The following COG5 variants were observed in gnomAD, a reference collection of about 807,000 sequenced individuals.
COG5 encodes component of oligomeric golgi complex 5, also known as conserved oligomeric Golgi complex subunit 5.
A neutral mutation model predicts 110.4 loss-of-function variants in COG5; 86 were observed. The observed-to-expected ratio is 0.78, with a 90% confidence interval of 0.65 to 0.93. The LOEUF (loss-of-function observed/expected upper bound fraction) is 0.93. Among genes scored for constraint, COG5 ranks in the 40% least tolerant of loss-of-function variants. COG5 has a pLI of 0.00. For synonymous variants in COG5, 360 were observed against 334.6 expected (o/e 1.08, Z -0.83); for missense variants, 1,077 against 987.0 (o/e 1.09, Z -1.22).
chr7:107,301,059 G>C (rs930381191), intron 11 of COG5, among the ~76,000 whole-genome samples: 1 of 152,120 alleles, frequency 6.6e-6, no homozygotes, highest in East Asian at 1.9e-4. Flanking sequence ...ACAGGGTAGA[G>C]TTCAACAAAT....
chr7:107,275,340 G>T (rs2116750946), intron 14 of COG5, among the ~76,000 whole-genome samples: 1 of 151,454 alleles, frequency 6.6e-6, no homozygotes, highest in Non-Finnish European at 1.5e-5. Flanking sequence ...AAAGGGATTG[G>T]TGTGTTTGTA....
chr7:107,370,643 G>A (rs997698960), intron 8 of COG5, among the ~76,000 whole-genome samples: 3 of 151,758 alleles, frequency 2.0e-5, no homozygotes, highest in African/African-American at 7.3e-5. Flanking sequence ...AAAATTAGCT[G>A]GGCATGGTGG....
chr7:107,466,354 T>G (rs773366675), intron 6 of COG5, among the ~76,000 whole-genome samples: 1 of 152,182 alleles, frequency 6.6e-6, no homozygotes, highest in Non-Finnish European at 1.5e-5. Flanking sequence ...AGAAATGCCA[T>G]GTATTTACTT....
At position 107,236,478 on chromosome 7, in the gene COG5, T is replaced by C; in HGVS notation, c.2063A>G (p.Lys688Arg). 1 of 1,614,144 alleles carries C rather than the reference T, an allele frequency of 6.2e-7. No homozygotes were observed. The highest frequency in any genetic ancestry group is 1.7e-5 in the Admixed American group (1 of 60,028). The change falls in exon 18 of 22, where the codon AAA becomes AGA. Residue 688 changes from lysine to arginine, a missense_variant. Coordinates refer to ENST00000297135, the MANE Select transcript of COG5 (RefSeq NM_006348.5). ...SLIRPLGEGG[K>R]MRLAADFAQM... ...TGCAAAATCAGCAGCAAGTCGCATT[T>C]TCCCACCTTCACCAAGAGGTCTTAT...
At chr7:107,336,470 C>T (rs891255381) in intron 10 of COG5, among the ~76,000 whole-genome samples, 4 of 151,936 alleles carry the variant, frequency 2.6e-5, no homozygotes, top group Non-Finnish European at 5.9e-5. Context: ...ACCCAGAGTT[C>T]GATAGATCAG....
At chr7:107,364,077 C>G (rs1813378326) in intron 8 of COG5, among the ~76,000 whole-genome samples, 2 of 152,058 alleles carry the variant, frequency 1.3e-5, no homozygotes, top group Admixed American at 1.3e-4. Context: ...TGGCATATGC[C>G]AATTTAATGA....
At chr7:107,499,696 C>T (rs1484400299) in intron 6 of COG5, among the ~76,000 whole-genome samples, 1 of 151,998 alleles carries the variant, frequency 6.6e-6, no homozygotes, top group Admixed American at 6.6e-5. Flanking sequence ...AGCCACCATG[C>T]CTAGCCTGAA....
At position 107,527,273 on chromosome 7, in the gene COG5, C is replaced by G; in HGVS notation, c.502G>C (p.Glu168Gln). ...AGACTCTGAGCAGCTTTTGTTATCT[C>G]TCTACTTCCCCCTTGCAGTTGTCCT... Reference protein sequence around the residue: ...LQGQLQGGSREITKAAQSLNE... With the variant: ...LQGQLQGGSRQITKAAQSLNE... Residue 168 changes from glutamate to glutamine, a missense_variant, in exon 6 of 22, where the codon GAG becomes CAG. By Grantham distance (29) the Glu-to-Gln change is conservative. Coordinates refer to ENST00000297135, the MANE Select transcript of COG5 (RefSeq NM_006348.5). 5.0e-6 allele frequency: 8 copies of G among 1,607,862 alleles called. No individual in the cohort carries two copies. Among genetic ancestry groups the G allele is most frequent in the Non-Finnish European group, 5.9e-6 (7 of 1,176,686 alleles).
chr7:107,462,750 A>T (rs1343477178), intron 6 of COG5, among the ~76,000 whole-genome samples: 1 of 152,124 alleles, frequency 6.6e-6, no homozygotes, highest in Non-Finnish European at 1.5e-5. Flanking sequence ...ATTATAGTGG[A>T]TTTATTACCA....
At position 107,215,089 on chromosome 7, in the gene COG5, CCT is replaced by C. The variant is rs79780076; in HGVS notation, c.2169-3866_2169-3865del. Among the ~76,000 whole-genome samples the C allele has an allele frequency of 5.1e-4, 77 of 151,864 alleles. No homozygotes were observed. The East Asian group carries it at 0.012, about 23-fold the overall frequency. ...ATTCAGTGTTATCAGCTTGAAATACCCTGTTATGAGTATATGGTTTTTGGAAG... is the reference window on the plus strand; with the variant it reads ...ATTCAGTGTTATCAGCTTGAAATACCGTTATGAGTATATGGTTTTTGGAAG... On this transcript the variant is annotated intron_variant, in intron 19 of 21. Coordinates refer to ENST00000297135, the MANE Select transcript of COG5 (RefSeq NM_006348.5).
At chr7:107,258,210 T>C (rs1443468753) in intron 15 of COG5, 63 bp downstream of exon 15, 1 of 943,240 alleles carries the variant, frequency 1.1e-6, no homozygotes, top group Admixed American at 1.7e-5. Context: ...ATTTGTAAAC[T>C]GTCCAAATTT....
At chr7:107,323,097 A>G (rs1809445083) in intron 11 of COG5, among the ~76,000 whole-genome samples, 2 of 152,218 alleles carry the variant, frequency 1.3e-5, no homozygotes, top group Non-Finnish European at 2.9e-5. Context: ...AACATTTGTC[A>G]AACATCATAG....
At chr7:107,213,153 C>T (rs1562914288) in intron 19 of COG5, among the ~76,000 whole-genome samples, 1 of 152,102 alleles carries the variant, frequency 6.6e-6, no homozygotes, top group African/African-American at 2.4e-5. Context: ...ATGATCTACC[C>T]TACCTACAAA....
At chr7:107,259,369 T>C (rs1803141913) in intron 14 of COG5, among the ~76,000 whole-genome samples, 1 of 152,144 alleles carries the variant, frequency 6.6e-6, no homozygotes, top group Non-Finnish European at 1.5e-5. Context: ...CCTGTAGAAC[T>C]ACCTTAAAAA....
chr7:107,302,193 GCAA>G lies in COG5; in HGVS notation c.1109-3850_1109-3848del, dbSNP rs1165860409. On this transcript the variant is annotated intron_variant, in intron 11 of 21. Coordinates refer to ENST00000297135, the MANE Select transcript of COG5 (RefSeq NM_006348.5). Reference sequence around the variant, plus strand: ...ATATATCCATGCAATGGAATACTATGCAACAACAAAAACATACTACAATATAGC... The same window carrying G: ...ATATATCCATGCAATGGAATACTATGCAACAAAAACATACTACAATATAGC... 2.0e-5 allele frequency among the ~76,000 whole-genome samples: 3 copies of G among 152,092 alleles called. No homozygotes were observed. The East Asian group carries it at 5.8e-4, about 29-fold the overall frequency.
At chr7:107,559,955 C>T (rs575149734) in intron 1 of COG5, among the ~76,000 whole-genome samples, 19 of 152,316 alleles carry the variant, frequency 1.2e-4, no homozygotes, top group African/African-American at 3.4e-4. Flanking sequence ...GTTTGTAAGA[C>T]ATTTGAAATG....
chr7:107,265,834 C>T (rs574820024), intron 14 of COG5, among the ~76,000 whole-genome samples: 2 of 151,956 alleles, frequency 1.3e-5, no homozygotes, highest in South Asian at 2.1e-4. Flanking sequence ...GTGGGAGGAT[C>T]GCTTGAGCTC....
chr7:107,207,784 C>T (rs1798885920), intron 21 of COG5: 1 of 985,274 alleles, frequency 1.0e-6, no homozygotes, highest in Admixed American at 6.1e-5. Context: ...TTCAAATGAA[C>T]TTGACTAGTA....
intron 14 of COG5, among the ~76,000 whole-genome samples, chr7:107,266,614 T>C (rs1242496258): frequency 1.3e-5 from 2 of 152,218 alleles, no homozygotes; most frequent in Non-Finnish European, 2.9e-5. Context: ...AACTTTCTTG[T>C]TTAATAACTC....
Sources: allele counts gnomAD v4.1 joint callset (sites outside exome capture counted in the v4.1 genomes callset), GRCh38; gene constraint gnomAD v4.1.1; transcripts MANE v1.5; gene names NCBI Gene and HGNC (gene_info 2026-07-23, HGNC 2026-07-21).